PPARA: variants seen among roughly 807,000 people sequenced by gnomAD.
PPARA encodes peroxisome proliferator-activated receptor alpha.
PPARA carries 22 observed loss-of-function variants against 42.2 expected under a neutral mutation model. The observed-to-expected ratio is 0.52, with a 90% confidence interval of 0.37 to 0.74. The LOEUF (loss-of-function observed/expected upper bound fraction) is 0.74, where lower values mean the gene tolerates loss of function less well. PPARA is among the 30% of genes least tolerant of loss of function. The pLI is 0.00. For missense variants in PPARA, 465 were observed against 608.2 expected (o/e 0.76, Z 2.48); for synonymous variants, 242 against 239.3 (o/e 1.01, Z -0.10).
rs775931686 is a variant in PPARA at position 46,195,362 on chromosome 22, G to C, written c.-42-2980G>C. ...AAAAAAATCTCCCTTCAGACAGAAT[G>C]CAGAATAAAATACTACAGAAAATCT... On this transcript the variant is annotated intron_variant, in intron 3 of 8. Coordinates refer to ENST00000407236, the MANE Select transcript of PPARA (RefSeq NM_005036.6). This position sits in a 1 kb window ranked among gnomAD's most constrained non-coding sequence, Gnocchi z 4.6. 7.9e-5 allele frequency among the ~76,000 whole-genome samples: 12 copies of C among 152,276 alleles called. No homozygotes were observed. The highest frequency in any genetic ancestry group is 2.9e-4 in the African/African-American group (12 of 41,550).
In PPARA at chr22:46,180,927, G is replaced by A. The variant is rs1333068209; in HGVS notation, c.-43+4091G>A. Among the ~76,000 whole-genome samples, 1 of 152,172 alleles carries A rather than the reference G, an allele frequency of 6.6e-6. No homozygotes were observed. The highest frequency in any genetic ancestry group is 1.5e-5 in the Non-Finnish European group (1 of 68,036). ...AGGACTTTAGCCCGGAAAGGAGATT[G>A]GCTCTCCTGCATCCCGGTGTCCTTC... On this transcript the variant is annotated intron_variant, in intron 3 of 8. Transcript: ENST00000407236. This position sits in a 1 kb window ranked among gnomAD's most constrained non-coding sequence, Gnocchi z 4.2.
chr22:46,192,642 A>C lies in PPARA; in HGVS notation c.-42-5700A>C, dbSNP rs1931717344. Among the ~76,000 whole-genome samples the C allele has an allele frequency of 6.6e-6, 1 of 152,248 alleles. No homozygotes were observed. Among genetic ancestry groups the C allele is most frequent in the African/African-American group, 2.4e-5 (1 of 41,468 alleles). On this transcript the variant is annotated intron_variant, in intron 3 of 8. Transcript: ENST00000407236. This position sits in a 1 kb window ranked among gnomAD's most constrained non-coding sequence, Gnocchi z 4.3. Reference sequence around the variant, plus strand: ...ATACAAGATGCAGCTCTAACATTTAAATTGGAAGGGAAATGTCAAAAAGAT... The same window carrying C: ...ATACAAGATGCAGCTCTAACATTTACATTGGAAGGGAAATGTCAAAAAGAT...
intron 2 of PPARA, among the ~76,000 whole-genome samples, chr22:46,158,886 C>CT (rs937631997): frequency 4.6e-5 from 7 of 151,834 alleles, no homozygotes; most frequent in African/African-American, 9.7e-5. Context: ...GATAGTGTCT[C>CT]TTTTTTTTGT....
rs1928353456 is a variant in PPARA, at chr22:46,173,149, A to C, written c.-126-3604A>C. ...TTAACCGATGTTTGCTAAATGTTTG[A>C]ATTATGTTGAGTTGCTTAAAGTCAT... On this transcript the variant is annotated intron_variant, in intron 2 of 8. Transcript: ENST00000407236. This position sits in a 1 kb window ranked among gnomAD's most constrained non-coding sequence, Gnocchi z 4.3. Among the ~76,000 whole-genome samples, 1 of 152,154 alleles carries C rather than the reference A, an allele frequency of 6.6e-6. No homozygotes were observed. Among genetic ancestry groups the C allele is most frequent in the Non-Finnish European group, 1.5e-5 (1 of 68,040 alleles).
chr22:46,206,824 G>A (rs1285399919), intron 4 of PPARA, among the ~76,000 whole-genome samples: 1 of 152,080 alleles, frequency 6.6e-6, no homozygotes, highest in African/African-American at 2.4e-5. Context: ...CCTTCTGCCT[G>A]AAAGACTTCC....
At chr22:46,226,739 G>T (rs967824957) in intron 7 of PPARA, among the ~76,000 whole-genome samples, 3 of 152,154 alleles carry the variant, frequency 2.0e-5, no homozygotes, top group Admixed American at 1.3e-4. Context: ...TGGGCATGGT[G>T]GTGTGCGCCT....
chr22:46,229,990 G>T (rs1183242273), intron 7 of PPARA, among the ~76,000 whole-genome samples: 2 of 152,222 alleles, frequency 1.3e-5, no homozygotes, highest in African/African-American at 4.8e-5. Flanking sequence ...CATTGTCAGT[G>T]GTTGTGTTTT....
intron 4 of PPARA, among the ~76,000 whole-genome samples, chr22:46,213,351 G>A (rs149666921): frequency 5.3e-5 from 8 of 150,868 alleles, no homozygotes; most frequent in East Asian, 1.9e-4. Context: ...TCTGTATATC[G>A]TCCTTGCTGA....
intron 7 of PPARA, among the ~76,000 whole-genome samples, chr22:46,220,919 G>C (rs574299326): frequency 6.6e-6 from 1 of 151,330 alleles, no homozygotes; most frequent in Non-Finnish European, 1.5e-5. Flanking sequence ...CTCCAGCCTG[G>C]GTGACAGATC....
rs1212030086 is a variant in PPARA at position 46,230,951 on chromosome 22, A to G, written c.712-841A>G. Among the ~76,000 whole-genome samples the G allele has an allele frequency of 6.6e-6, 1 of 152,260 alleles. No homozygotes were observed. Among genetic ancestry groups the G allele is most frequent in the Non-Finnish European group, 1.5e-5 (1 of 68,044 alleles). On this transcript the variant is annotated intron_variant, in intron 7 of 8. Coordinates refer to ENST00000407236, the MANE Select transcript of PPARA (RefSeq NM_005036.6). This position sits in a 1 kb window ranked among gnomAD's most constrained non-coding sequence, Gnocchi z 5.0. ...AATGATCGTAATTAAGCCTCTTGCAATAGTCATTAGTTCAGAGAATATTTA... is the reference window on the plus strand; with the variant it reads ...AATGATCGTAATTAAGCCTCTTGCAGTAGTCATTAGTTCAGAGAATATTTA...
intron 2 of PPARA, among the ~76,000 whole-genome samples, chr22:46,153,263 G>A (rs1924751112): frequency 7.0e-6 from 1 of 142,080 alleles, no homozygotes; most frequent in Non-Finnish European, 1.5e-5. Flanking sequence ...TCCACCTCAC[G>A]GATTCGAACA....
In PPARA at chr22:46,229,414, G is replaced by A. The variant is rs542533238; in HGVS notation, c.712-2378G>A. Among the ~76,000 whole-genome samples, 17 of 151,946 alleles carry A rather than the reference G, an allele frequency of 1.1e-4. No homozygotes were observed. In the East Asian group the frequency reaches 2.1e-3, roughly 19 times the overall value. On this transcript the variant is annotated intron_variant, in intron 7 of 8. Transcript: ENST00000407236. ...CTAAAATACAAAAAATTAGCTGGGCGTGGTGATGTGTGCTTGTAATCCCAG... is the reference window on the plus strand; with the variant it reads ...CTAAAATACAAAAAATTAGCTGGGCATGGTGATGTGTGCTTGTAATCCCAG...
rs1409987653 is a variant in PPARA at position 46,221,603 on chromosome 22, TC to T, written c.711+1591del. Among the ~76,000 whole-genome samples, 1 of 151,902 alleles carries T rather than the reference TC, an allele frequency of 6.6e-6. No individual in the cohort carries two copies. The highest frequency in any genetic ancestry group is 2.4e-5 in the African/African-American group (1 of 41,344). Reference sequence around the variant, plus strand: ...TCACGAGGTCAGGAGATCAAGACCATCCTGGCTAACATGGTGAAACACCATC... The same window carrying T: ...TCACGAGGTCAGGAGATCAAGACCATCTGGCTAACATGGTGAAACACCATC... On this transcript the variant is annotated intron_variant, in intron 7 of 8. Transcript: ENST00000407236. The surrounding 1 kb of genome is among the most constrained non-coding windows in gnomAD (Gnocchi z 5.9).
intron 5 of PPARA, among the ~76,000 whole-genome samples, chr22:46,215,927 C>T (rs1368730823): frequency 6.6e-6 from 1 of 152,104 alleles, no homozygotes; most frequent in Non-Finnish European, 1.5e-5. Context: ...ACACTTTCAT[C>T]CTGAAACTAT....
chr22:46,203,364 G>A lies in PPARA; in HGVS notation c.208+4773G>A, dbSNP rs1450088396. Among the ~76,000 whole-genome samples, 1 of 152,150 alleles carries A rather than the reference G, an allele frequency of 6.6e-6. No individual in the cohort carries two copies. The highest frequency in any genetic ancestry group is 1.5e-5 in the Non-Finnish European group (1 of 68,024). On this transcript the variant is annotated intron_variant, in intron 4 of 8. Transcript: ENST00000407236. This position sits in a 1 kb window ranked among gnomAD's most constrained non-coding sequence, Gnocchi z 5.8. ...CCAGGAGACCGGATGGGTGAGGCTG[G>A]TTCACTCGGCCAAAGTACCATTTTA...
chr22:46,179,706 T>C (rs1249547739), intron 3 of PPARA, among the ~76,000 whole-genome samples: 1 of 150,538 alleles, frequency 6.6e-6, no homozygotes, highest in Non-Finnish European at 1.5e-5. Context: ...AAGAAAAAAA[T>C]CAATAAATTG....
At position 46,187,257 on chromosome 22, in the gene PPARA, T is replaced by C. The variant is rs1337637686; in HGVS notation, c.-43+10421T>C. Among the ~76,000 whole-genome samples, 2 of 152,202 alleles carry C rather than the reference T, an allele frequency of 1.3e-5. No homozygotes were observed. Among genetic ancestry groups the C allele is most frequent in the Non-Finnish European group, 2.9e-5 (2 of 68,038 alleles). Reference sequence around the variant, plus strand: ...GGTACCTTAAACACCATTTTAAAACTGAACTCATGGCCAGGTGCATTGGCT... The same window carrying C: ...GGTACCTTAAACACCATTTTAAAACCGAACTCATGGCCAGGTGCATTGGCT... On this transcript the variant is annotated intron_variant, in intron 3 of 8. Coordinates refer to ENST00000407236, the MANE Select transcript of PPARA (RefSeq NM_005036.6). This position sits in a 1 kb window ranked among gnomAD's most constrained non-coding sequence, Gnocchi z 4.9.
rs1270960314 is a variant in PPARA at position 46,232,321 on chromosome 22, C to G, written c.1159+82C>G. On this transcript the variant is annotated intron_variant, in intron 8 of 8. Transcript: ENST00000407236. This position sits in a 1 kb window ranked among gnomAD's most constrained non-coding sequence, Gnocchi z 5.3. The stretch of plus-strand genomic sequence containing the variant: ...AAATTTGACAATGGGAAATCCAGTA[C>G]CAGCCTGAGCTGTTCCAGTGGAGGG... The G allele has an allele frequency of 1.4e-6, 2 of 1,414,142 alleles. No homozygotes were observed. Among genetic ancestry groups the G allele is most frequent in the African/African-American group, 2.8e-5 (2 of 70,902 alleles). The allele number at this position is 1,414,142 out of a possible 1,614,324, so 87.6% of individuals were successfully genotyped here.
At chr22:46,209,143 T>C (rs998879151) in intron 4 of PPARA, among the ~76,000 whole-genome samples, 2 of 152,238 alleles carry the variant, frequency 1.3e-5, no homozygotes, top group East Asian at 3.8e-4. Context: ...CCATACTTAT[T>C]TTGCATAATG....
Sources: gnomAD v4.1 joint callset for allele counts (sites outside exome capture counted in the v4.1 genomes callset) on GRCh38, gnomAD v4.1.1 for gene constraint, Gnocchi (gnomAD v3.1) non-coding constraint, MANE v1.5 for transcripts, NCBI Gene and HGNC (gene_info 2026-07-23, HGNC 2026-07-21) for gene names.